The following LZTS1 variants were observed in gnomAD, a reference collection of about 807,000 sequenced individuals.
LZTS1 encodes leucine zipper putative tumor suppressor 1.
Under a neutral mutation model 45.8 loss-of-function variants are expected in LZTS1, and 31 were observed. That is an observed-to-expected ratio of 0.68 (90% confidence interval 0.51 to 0.91). The LOEUF is 0.91. LZTS1 is among the 40% of genes least tolerant of loss of function. The probability of loss-of-function intolerance (pLI) is 0.00; values close to 1 mark genes in which losing one functional copy is unlikely to be tolerated. For missense variants in LZTS1, 821 were observed against 788.9 expected, an observed-to-expected ratio of 1.04 and a Z score of -0.49; for synonymous variants, 359 against 357.3, an observed-to-expected ratio of 1.00 and a Z score of -0.05.
intron 1 of LZTS1, among the ~76,000 whole-genome samples, chr8:20,294,565 C>T (rs550203397): frequency 8.0e-4 from 122 of 152,148 alleles, no homozygotes; most frequent in African/African-American, 2.7e-3. Context: ...GCTGGGGCCA[C>T]GGAGGCGTTG....
intron 1 of LZTS1, among the ~76,000 whole-genome samples, chr8:20,288,914 G>A (rs977489725): frequency 6.6e-6 from 1 of 151,130 alleles, no homozygotes; most frequent in Non-Finnish European, 1.5e-5. Context: ...CACCTCATAG[G>A]GTTTTGGTAA....
At chr8:20,251,289 A>T (rs1410321955) in intron 3 of LZTS1, among the ~76,000 whole-genome samples, 3 of 151,814 alleles carry the variant, frequency 2.0e-5, no homozygotes, top group Non-Finnish European at 4.4e-5. Context: ...TGCCTCAGCC[A>T]TGACTGTGTC....
intron 1 of LZTS1, among the ~76,000 whole-genome samples, chr8:20,274,914 C>T (rs890212116): frequency 6.7e-6 from 1 of 150,286 alleles, no homozygotes; most frequent in African/African-American, 2.5e-5. Context: ...GAGTGGGCTC[C>T]TTGGAGCGCT....
chr8:20,274,306 C>T (rs1188772535), intron 1 of LZTS1, among the ~76,000 whole-genome samples: 1 of 152,116 alleles, frequency 6.6e-6, no homozygotes, highest in Non-Finnish European at 1.5e-5. Context: ...TTTTATGGTG[C>T]CTATGTTCTA....
At chr8:20,303,201 G>T (rs534734451) in intron 1 of LZTS1, among the ~76,000 whole-genome samples, 3 of 152,140 alleles carry the variant, frequency 2.0e-5, no homozygotes, top group South Asian at 2.1e-4. Flanking sequence ...ACCTCCGCCC[G>T]TGTGACTTAT....
At chr8:20,284,899 T>A (rs1800760675) in intron 1 of LZTS1, among the ~76,000 whole-genome samples, 1 of 152,180 alleles carries the variant, frequency 6.6e-6, no homozygotes. Context: ...TCCGATAGTC[T>A]TAGAAAACCC....
intron 1 of LZTS1, among the ~76,000 whole-genome samples, chr8:20,288,463 G>A (rs970783057): frequency 6.6e-6 from 1 of 152,160 alleles, no homozygotes; most frequent in African/African-American, 2.4e-5. Context: ...CACTGCATGT[G>A]TCCTGTGCAC....
chr8:20,285,513 T>C (rs956952064), intron 1 of LZTS1, among the ~76,000 whole-genome samples: 38 of 152,200 alleles, frequency 2.5e-4, no homozygotes, highest in Non-Finnish European at 7.3e-5. Flanking sequence ...GGAATGAATA[T>C]AACCGAAGTT....
intron 1 of LZTS1, among the ~76,000 whole-genome samples, chr8:20,270,842 T>C (rs1585290975): frequency 6.7e-6 from 1 of 149,180 alleles, no homozygotes; most frequent in Admixed American, 6.7e-5. Flanking sequence ...TTTGTGTGTG[T>C]GGAGAGGGAA....
chr8:20,276,031 T>C (rs1474017544), intron 1 of LZTS1: 2 of 152,140 alleles, frequency 1.3e-5, no homozygotes, highest in Non-Finnish European at 2.9e-5. Context: ...ATAAAGCTAG[T>C]AGCCCCCTAC....
chr8:20,249,932 A>G lies in LZTS1; in HGVS notation c.1581T>C (p.His527=). ...GHDQMSSGFQ[H]ERLVWKEEKE... ...TCTCCTCCTTCCACACGAGCCGCTC[A>G]TGCTGGAAGCCCGAGGACATCTGGT... Residue 527 remains histidine (H), a synonymous_variant, in exon 4 of 4, where the codon CAT becomes CAC. Coordinates refer to ENST00000381569, the MANE Select transcript of LZTS1 (RefSeq NM_021020.5). 1.2e-6 allele frequency: 2 copies of G among 1,614,156 alleles called. No individual in the cohort carries two copies. The highest frequency in any genetic ancestry group is 1.7e-6 in the Non-Finnish European group (2 of 1,180,018).
chr8:20,249,867 C>T lies in LZTS1; in HGVS notation c.1646G>A (p.Ser549Asn), dbSNP rs1799838425. 2 of 1,614,202 alleles carry T rather than the reference C, an allele frequency of 1.2e-6. No individual in the cohort carries two copies. Among genetic ancestry groups the T allele is most frequent in the Non-Finnish European group, 1.7e-6 (2 of 1,180,010 alleles). ...GTTCCGCTGGTACATGGCCACGTAG[C>T]TCTGCTGCAGCTGTTTCTGGTACTG... is the stretch of plus-strand genomic sequence containing the variant. ...VIQYQKQLQQ[S>N]YVAMYQRNQR... Residue 549 changes from serine (S) to asparagine (N), a missense_variant, in exon 4 of 4, where the codon AGC (serine) becomes AAC (asparagine). Ser to Asn is a conservative substitution (Grantham distance 46). Coordinates refer to ENST00000381569, the MANE Select transcript of LZTS1 (RefSeq NM_021020.5).
In LZTS1 at chr8:20,252,854, C is replaced by T. The variant is rs746181783; in HGVS notation, c.1077G>A (p.Leu359=). 6.3e-6 allele frequency: 10 copies of T among 1,594,456 alleles called. No homozygotes were observed. The Admixed American group carries it at 1.1e-4, about 17-fold the overall frequency. The change falls in exon 3 of 4, where the codon CTG becomes CTA. Residue 359 remains leucine, a synonymous_variant. Coordinates refer to ENST00000381569, the MANE Select transcript of LZTS1 (RefSeq NM_021020.5). ...TCTCGTAGGACCTGAGCTTGGTCTC[C>T]AGCAGGTCCTGCTCCTTCATGAGGC... is the stretch of plus-strand genomic sequence containing the variant. ...LESLMKEQDL[L]ETKLRSYERE...
At chr8:20,263,611 G>C (rs1054703179) in intron 1 of LZTS1, among the ~76,000 whole-genome samples, 8 of 152,170 alleles carry the variant, frequency 5.3e-5, no homozygotes, top group Non-Finnish European at 1.2e-4. Context: ...CATTGGAAGT[G>C]AAACTAAAGC....
At position 20,253,063 on chromosome 8, in the gene LZTS1, C is replaced by G; in HGVS notation, c.868G>C (p.Ala290Pro). The G allele has an allele frequency of 6.2e-7, 1 of 1,607,698 alleles. No individual in the cohort carries two copies. The highest frequency in any genetic ancestry group is 1.1e-5 in the South Asian group (1 of 90,972). The change falls in exon 3 of 4, where the codon GCC becomes CCC. Residue 290 changes from alanine to proline, a missense_variant. By Grantham distance (27) the Ala-to-Pro change is conservative. Transcript: ENST00000381569. ...CGCTCCTCGTAGGCCAGGCTGGAGG[C>G]AAGCTCCTTCTCCTCAAAGCTGCGC... ...LQRSFEEKELASSLAYEERPR... is the reference protein window; with the variant it reads ...LQRSFEEKELPSSLAYEERPR...
intron 1 of LZTS1, among the ~76,000 whole-genome samples, chr8:20,286,466 C>A (rs969898810): frequency 1.3e-5 from 2 of 152,184 alleles, no homozygotes; most frequent in Admixed American, 6.5e-5. Flanking sequence ...TACCGCTAGG[C>A]CACTATTCAA....
intron 1 of LZTS1, among the ~76,000 whole-genome samples, chr8:20,295,607 C>T (rs1800966422): frequency 6.6e-6 from 1 of 152,146 alleles, no homozygotes; most frequent in South Asian, 2.1e-4. Flanking sequence ...GGGCTTATAA[C>T]CTATGCTGGG....
intron 1 of LZTS1, among the ~76,000 whole-genome samples, chr8:20,284,042 T>C (rs894869787): frequency 6.6e-6 from 1 of 152,180 alleles, no homozygotes; most frequent in Non-Finnish European, 1.5e-5. Context: ...GACAATGGAC[T>C]GGAGGTCAGG....
At chr8:20,273,641 A>G (rs1013745939) in intron 1 of LZTS1, among the ~76,000 whole-genome samples, 13 of 151,808 alleles carry the variant, frequency 8.6e-5, no homozygotes, top group African/African-American at 2.9e-4. Context: ...CCCTCACCCT[A>G]CATCTGACCA....
Sources: allele counts gnomAD v4.1 joint callset (sites outside exome capture counted in the v4.1 genomes callset), GRCh38; gene constraint gnomAD v4.1.1; transcripts MANE v1.5; gene names NCBI Gene and HGNC (gene_info 2026-07-23, HGNC 2026-07-21).